BBX: variants seen among roughly 807,000 people sequenced by gnomAD.
The protein encoded by BBX is HMG box transcription factor BBX.
Under a neutral mutation model 100.2 loss-of-function variants are expected in BBX, and 30 were observed. The observed-to-expected ratio is 0.30, with a 90% confidence interval of 0.22 to 0.41. The LOEUF (loss-of-function observed/expected upper bound fraction) is 0.41. Ranked by LOEUF, BBX falls within the 10% of genes least tolerant of loss-of-function variation. The pLI is 1.00. For missense variants in BBX, 1,023 were observed against 1,129.8 expected (o/e 0.91, Z 1.35); for synonymous variants, 376 against 388.1 (o/e 0.97, Z 0.37).
chr3:107,755,730 A>C, intron 10 of BBX, 52 bp downstream of exon 10: 1 of 1,449,452 alleles, frequency 6.9e-7, no homozygotes, highest in South Asian at 1.1e-5. Context: ...GGAAATTACA[A>C]AATATTCTAA....
At chr3:107,645,186 G>T (rs185679177) in intron 2 of BBX, among the ~76,000 whole-genome samples, 1 of 152,086 alleles carries the variant, frequency 6.6e-6, no homozygotes, top group Non-Finnish European at 1.5e-5. Context: ...GAAATGATAT[G>T]GTTTAGGGAT....
At chr3:107,529,847 G>A (rs1393049066) in intron 2 of BBX, among the ~76,000 whole-genome samples, 1 of 151,168 alleles carries the variant, frequency 6.6e-6, no homozygotes, top group Non-Finnish European at 1.5e-5. Flanking sequence ...TGCTTTCAAG[G>A]AAACAGGTAA....
At chr3:107,609,617 C>G (rs1312756316) in intron 2 of BBX, among the ~76,000 whole-genome samples, 1 of 151,902 alleles carries the variant, frequency 6.6e-6, no homozygotes, top group Non-Finnish European at 1.5e-5. Context: ...TTGTATGTGT[C>G]TGTGTGTCTA....
chr3:107,757,111 A>T (rs975751244), intron 10 of BBX, among the ~76,000 whole-genome samples: 1 of 152,186 alleles, frequency 6.6e-6, no homozygotes, highest in African/African-American at 2.4e-5. Context: ...GCACACATAT[A>T]TAGGAAAATA....
At chr3:107,598,967 G>GC (rs1402015303) in intron 2 of BBX, among the ~76,000 whole-genome samples, 1 of 152,078 alleles carries the variant, frequency 6.6e-6, no homozygotes, top group Admixed American at 6.5e-5. Flanking sequence ...GGGCCCTCTG[G>GC]CCCCAGGCAG....
chr3:107,532,128 A>G (rs537833830), intron 2 of BBX, among the ~76,000 whole-genome samples: 1 of 152,124 alleles, frequency 6.6e-6, no homozygotes, highest in Admixed American at 6.5e-5. Context: ...CGCACGGTTG[A>G]GGCTGCGGTG....
chr3:107,731,237 A>G (rs753505584), intron 6 of BBX, among the ~76,000 whole-genome samples: 2 of 152,144 alleles, frequency 1.3e-5, no homozygotes, highest in Non-Finnish European at 2.9e-5. Flanking sequence ...ACTTCTTGCA[A>G]AGTCACATTG....
chr3:107,720,880 T>G (rs1172574301), intron 5 of BBX, among the ~76,000 whole-genome samples: 1 of 152,108 alleles, frequency 6.6e-6, no homozygotes, highest in African/African-American at 2.4e-5. Flanking sequence ...TTTGGGTTCA[T>G]CAGATATGGA....
intron 2 of BBX, among the ~76,000 whole-genome samples, chr3:107,530,342 G>T (rs991253972): frequency 2.6e-5 from 4 of 152,044 alleles, no homozygotes; most frequent in African/African-American, 9.7e-5. Flanking sequence ...CTGAGATTGT[G>T]CCACAGCACT....
At chr3:107,574,789 T>C (rs2051646979) in intron 2 of BBX, among the ~76,000 whole-genome samples, 1 of 152,166 alleles carries the variant, frequency 6.6e-6, no homozygotes, top group African/African-American at 2.4e-5. Context: ...TTCCACATTA[T>C]AAAAATTGAT....
intron 2 of BBX, among the ~76,000 whole-genome samples, chr3:107,546,256 G>C (rs760036558): frequency 3.4e-4 from 52 of 152,188 alleles, no homozygotes; most frequent in Admixed American, 1.2e-3. Flanking sequence ...ACTGTGCCAA[G>C]ATGTTACGTC....
intron 5 of BBX, among the ~76,000 whole-genome samples, chr3:107,724,775 T>A (rs2062797951): frequency 6.6e-6 from 1 of 152,190 alleles, no homozygotes; most frequent in African/African-American, 2.4e-5. Flanking sequence ...ATATCTCTGT[T>A]TTGGTACCAG....
At chr3:107,600,496 AC>A (rs1382069938) in intron 2 of BBX, among the ~76,000 whole-genome samples, 1 of 152,232 alleles carries the variant, frequency 6.6e-6, no homozygotes, top group Non-Finnish European at 1.5e-5. Context: ...AATTTATTTT[AC>A]AAAACTTGGG....
At chr3:107,594,172 A>AT (rs1559852255) in intron 2 of BBX, among the ~76,000 whole-genome samples, 2 of 152,062 alleles carry the variant, frequency 1.3e-5, no homozygotes, top group Admixed American at 6.6e-5. Context: ...CATCTGATAA[A>AT]TTTTTTTATA....
chr3:107,598,799 A>G (rs548878771), intron 2 of BBX, among the ~76,000 whole-genome samples: 3 of 152,214 alleles, frequency 2.0e-5, no homozygotes, highest in Admixed American at 1.3e-4. Context: ...ATTTAATACT[A>G]TTTCTCTTGA....
intron 13 of BBX, among the ~76,000 whole-genome samples, chr3:107,787,413 T>TA (rs1358962752): frequency 6.6e-6 from 1 of 152,166 alleles, no homozygotes; most frequent in African/African-American, 2.4e-5. Flanking sequence ...CATTATATGA[T>TA]ACTATTTATA....
At chr3:107,671,284 G>A (rs1350571872) in intron 3 of BBX, among the ~76,000 whole-genome samples, 1 of 152,004 alleles carries the variant, frequency 6.6e-6, no homozygotes, top group African/African-American at 2.4e-5. Flanking sequence ...TATTTTGGCT[G>A]CTGTAATAAG....
intron 2 of BBX, among the ~76,000 whole-genome samples, chr3:107,621,236 G>T (rs1417281719): frequency 6.6e-6 from 1 of 152,100 alleles, no homozygotes; most frequent in Non-Finnish European, 1.5e-5. Flanking sequence ...TCTGTGCCCT[G>T]TTGGCATTTT....
chr3:107,604,099 C>T (rs551121018), intron 2 of BBX, among the ~76,000 whole-genome samples: 2 of 152,164 alleles, frequency 1.3e-5, no homozygotes, highest in Admixed American at 1.3e-4. Context: ...CTCCCATTGC[C>T]CGGGCCTTTC....
Sources: allele counts gnomAD v4.1 joint callset (sites outside exome capture counted in the v4.1 genomes callset), GRCh38; gene constraint gnomAD v4.1.1; transcripts MANE v1.5; gene names NCBI Gene and HGNC (gene_info 2026-07-23, HGNC 2026-07-21).